The following AK4 variants were observed in gnomAD, a reference collection of about 807,000 sequenced individuals.
AK4 encodes the protein adenylate kinase 4, mitochondrial.
In AK4, 13 loss-of-function variants were observed where a neutral mutation model predicts 24.6. That is an observed-to-expected ratio of 0.53 (90% confidence interval 0.34 to 0.84). The LOEUF (loss-of-function observed/expected upper bound fraction) is 0.84. Ranked by LOEUF, AK4 falls within the 40% of genes least tolerant of loss-of-function variation. The pLI, the probability that AK4 is intolerant of heterozygous loss-of-function variation, is 0.01. For missense variants in AK4, 192 were observed against 288.2 expected (o/e 0.67, Z 2.42); for synonymous variants, 88 against 107.0 (o/e 0.82, Z 1.10).
intron 2 of AK4, among the ~76,000 whole-genome samples, chr1:65,204,536 A>G (rs1199284846): frequency 6.6e-6 from 1 of 152,196 alleles, no homozygotes; most frequent in Non-Finnish European, 1.5e-5. Context: ...ACAAAACTAA[A>G]GTGAACCTGA....
intron 1 of AK4, among the ~76,000 whole-genome samples, chr1:65,160,847 G>A (rs1271394315): frequency 3.9e-5 from 6 of 152,044 alleles, no homozygotes; most frequent in African/African-American, 1.2e-4. Flanking sequence ...TGCCTGCATC[G>A]GCTTCTCAAA....
chr1:65,231,780 G>A lies in AK4; in HGVS notation c.*5603G>A, dbSNP rs1346750739. On this transcript the variant is annotated 3_prime_UTR_variant, in exon 5 of 5. Transcript: ENST00000327299. Reference sequence around the variant, plus strand: ...GATTTTTATATATTCCTGTTTTTGAGATGAACAGATCTCTGGGGAAATTGT... The same window carrying A: ...GATTTTTATATATTCCTGTTTTTGAAATGAACAGATCTCTGGGGAAATTGT... 1 of 152,154 alleles carries A rather than the reference G, an allele frequency of 6.6e-6. No homozygotes were observed. Among genetic ancestry groups the A allele is most frequent in the Non-Finnish European group, 1.5e-5 (1 of 68,036 alleles). The allele number at this position is 152,154 out of a possible 1,614,324, so 9.4% of individuals were successfully genotyped here.
intron 3 of AK4, among the ~76,000 whole-genome samples, chr1:65,219,855 T>G (rs1422961825): frequency 6.6e-6 from 1 of 152,196 alleles, no homozygotes; most frequent in Non-Finnish European, 1.5e-5. Context: ...ACAGAATAGT[T>G]TCATGGTCTT....
chr1:65,176,825 C>G (rs1444252709), intron 1 of AK4, among the ~76,000 whole-genome samples: 2 of 152,148 alleles, frequency 1.3e-5, no homozygotes, highest in Non-Finnish European at 2.9e-5. Flanking sequence ...CCCAGCCTGG[C>G]AGTAGTAGTT....
At position 65,231,104 on chromosome 1, in the gene AK4, A is replaced by C. The variant is rs1473468597; in HGVS notation, c.*4927A>C. On this transcript the variant is annotated 3_prime_UTR_variant, in exon 5 of 5. Transcript: ENST00000327299. ...TGGAAATGTGGTCTGGTAGTAAGTT[A>C]TTTCTTTCCACATGTAACTGACCCA... 6.6e-6 allele frequency: 1 copy of C among 152,178 alleles called. No individual in the cohort carries two copies. The highest frequency in any genetic ancestry group is 2.4e-5 in the African/African-American group (1 of 41,444). The allele number at this position is 152,178 out of a possible 1,614,324, so 9.4% of individuals were successfully genotyped here.
At chr1:65,203,517 CT>C (rs751831927) in intron 2 of AK4, among the ~76,000 whole-genome samples, 10 of 151,958 alleles carry the variant, frequency 6.6e-5, no homozygotes, top group East Asian at 3.9e-4. Flanking sequence ...AAAACCACCC[CT>C]CTTGGCCTGG....
intron 1 of AK4, among the ~76,000 whole-genome samples, chr1:65,174,273 T>C (rs1650636570): frequency 6.6e-6 from 1 of 152,108 alleles, no homozygotes; most frequent in Admixed American, 6.5e-5. Flanking sequence ...TTTGACACTC[T>C]AGTTGTTTTT....
intron 1 of AK4, among the ~76,000 whole-genome samples, chr1:65,181,644 T>C (rs1045821791): frequency 6.6e-6 from 1 of 152,152 alleles, no homozygotes; most frequent in Non-Finnish European, 1.5e-5. Flanking sequence ...TGTCTTGGCC[T>C]CCCAAAGTGC....
intron 2 of AK4, among the ~76,000 whole-genome samples, chr1:65,217,511 A>AT (rs1201988420): frequency 2.0e-5 from 3 of 152,128 alleles, no homozygotes; most frequent in East Asian, 1.9e-4. Flanking sequence ...ATATAAAGAC[A>AT]TTTTTTTAGA....
chr1:65,215,180 T>C (rs943590332), intron 2 of AK4, among the ~76,000 whole-genome samples: 2 of 143,854 alleles, frequency 1.4e-5, no homozygotes, highest in Non-Finnish European at 3.0e-5. Context: ...TTCTTTCTTT[T>C]TTTTTTGTTT....
chr1:65,202,080 A>T (rs6690295), intron 2 of AK4, among the ~76,000 whole-genome samples: 4,826 of 152,264 alleles, frequency 0.032, 136 homozygotes, highest in African/African-American at 0.08. Context: ...ACATATTTTT[A>T]AACTCTACTT....
chr1:65,183,228 ATATT>A (rs1439822281), intron 1 of AK4, among the ~76,000 whole-genome samples: 1 of 151,640 alleles, frequency 6.6e-6, no homozygotes, highest in African/African-American at 2.4e-5. Flanking sequence ...GGATCTTTAC[ATATT>A]TATTTATTTT....
rs1650095149 is a variant in AK4, at chr1:65,159,791, AACCCCGTCTCT to A, written c.145+11242_145+11252del. Among the ~76,000 whole-genome samples the A allele has an allele frequency of 3.3e-5, 5 of 152,094 alleles. No individual in the cohort carries two copies. In the South Asian group the frequency reaches 1.0e-3, roughly 32 times the overall value. On this transcript the variant is annotated intron_variant, in intron 1 of 4. Coordinates refer to ENST00000327299, the MANE Select transcript of AK4 (RefSeq NM_013410.4). ...GAGACCAGCCTGGCCAATATGGTGA[AACCCCGTCTCT>A]ACTAAAAATACAAAAATTAGCTGGG...
At chr1:65,197,700 G>A (rs1395081205) in intron 2 of AK4, among the ~76,000 whole-genome samples, 1 of 152,176 alleles carries the variant, frequency 6.6e-6, no homozygotes, top group Non-Finnish European at 1.5e-5. Context: ...GTAGGTGTAT[G>A]ATCAGAAACT....
At chr1:65,203,558 CTT>C (rs1651728091) in intron 2 of AK4, among the ~76,000 whole-genome samples, 1 of 152,146 alleles carries the variant, frequency 6.6e-6, no homozygotes, top group South Asian at 2.1e-4. Flanking sequence ...AATCCCAGCA[CTT>C]TTGGAGGACG....
At chr1:65,168,595 T>C (rs1650410116) in intron 1 of AK4, among the ~76,000 whole-genome samples, 1 of 152,174 alleles carries the variant, frequency 6.6e-6, no homozygotes, top group African/African-American at 2.4e-5. Context: ...TCTGGCCTGC[T>C]CTCCATATTC....
chr1:65,192,581 GC>G (rs1651340331), intron 2 of AK4, among the ~76,000 whole-genome samples: 1 of 152,052 alleles, frequency 6.6e-6, no homozygotes, highest in African/African-American at 2.4e-5. Context: ...TATCCTATTA[GC>G]CCCCAAAGTC....
intron 1 of AK4, among the ~76,000 whole-genome samples, chr1:65,187,252 G>A (rs1651130518): frequency 1.3e-5 from 2 of 150,786 alleles, no homozygotes; most frequent in South Asian, 2.1e-4. Context: ...AGAGGCTGAG[G>A]CAGGAGAATG....
chr1:65,174,149 A>G (rs1191599222), intron 1 of AK4, among the ~76,000 whole-genome samples: 1 of 152,160 alleles, frequency 6.6e-6, no homozygotes, highest in Non-Finnish European at 1.5e-5. Context: ...AATCCAGAAT[A>G]GTTTCCCTCT....
Sources: allele counts gnomAD v4.1 joint callset (sites outside exome capture counted in the v4.1 genomes callset), GRCh38; gene constraint gnomAD v4.1.1; transcripts MANE v1.5; gene names NCBI Gene and HGNC (gene_info 2026-07-23, HGNC 2026-07-21).